The following PLXNA4 variants were observed in gnomAD, a reference collection of about 807,000 sequenced individuals.
The protein encoded by PLXNA4 is plexin-A4.
A neutral mutation model predicts 191.8 loss-of-function variants in PLXNA4; 44 were observed. The observed-to-expected ratio is 0.23, with a 90% CI of 0.18 to 0.29. The LOEUF (loss-of-function observed/expected upper bound fraction) is 0.29. PLXNA4 is among the 10% of genes least tolerant of loss of function. PLXNA4 has a pLI of 1.00. For missense variants in PLXNA4, 1,800 were observed against 2,488.8 expected (o/e 0.72, Z 5.89); for synonymous variants, 1,082 against 1,009.5 (o/e 1.07, Z -1.36).
At chr7:132,388,068 G>A (rs1805234120) in intron 3 of PLXNA4, among the ~76,000 whole-genome samples, 2 of 152,124 alleles carry the variant, frequency 1.3e-5, no homozygotes. Context: ...CATTCAACCT[G>A]CACACAAGTG....
intron 3 of PLXNA4, among the ~76,000 whole-genome samples, chr7:132,391,953 C>T (rs1793507980): frequency 6.6e-6 from 1 of 151,942 alleles, no homozygotes. Flanking sequence ...ATGGTGAAAC[C>T]CCATCTCTAC....
intron 3 of PLXNA4, among the ~76,000 whole-genome samples, chr7:132,428,650 T>G (rs1045427448): frequency 2.0e-5 from 3 of 152,052 alleles, no homozygotes; most frequent in Admixed American, 2.0e-4. Flanking sequence ...TGGCTCCCGG[T>G]GGTCCCCTCT....
chr7:132,475,694 G>A (rs1000472526), intron 3 of PLXNA4, among the ~76,000 whole-genome samples: 3 of 152,088 alleles, frequency 2.0e-5, no homozygotes, highest in Non-Finnish European at 2.9e-5. Context: ...GCTGGCTGCC[G>A]GGAAGCGAGG....
chr7:132,180,465 G>A, intron 19 of PLXNA4, 121 bp downstream of exon 19: 1 of 1,444,332 alleles, frequency 6.9e-7, no homozygotes, highest in Non-Finnish European at 9.3e-7. Context: ...TGGGGTGTGG[G>A]GTAGCTACAG....
In PLXNA4 at chr7:132,126,594, C is replaced by T. The variant is rs1283742831; in HGVS notation, c.*3885G>A. The T allele has an allele frequency of 6.6e-6, 1 of 152,306 alleles. No individual in the cohort carries two copies. The highest frequency in any genetic ancestry group is 6.5e-5 in the Admixed American group (1 of 15,276). The allele number at this position is 152,306 out of a possible 1,614,324, so 9.4% of individuals were successfully genotyped here. On this transcript the variant is annotated 3_prime_UTR_variant, in exon 32 of 32. Transcript: ENST00000321063. ...CTGCTGGTGGGCGCAGGTAGCTGGG[C>T]CTGAGGGGACCAGGTCAGAGACTTT...
rs191018145 is a variant in PLXNA4 at position 132,341,661 on chromosome 7, C to A, written c.1372-43439G>T. ...GAGGTAGCTATTTGGCCCCAGCCCC[C>A]CTAGCCTGCCTGGGCTGGTCCTCAC... On this transcript the variant is annotated intron_variant, in intron 3 of 31. Coordinates refer to ENST00000321063, the MANE Select transcript of PLXNA4 (RefSeq NM_020911.2). 1.4e-3 allele frequency among the ~76,000 whole-genome samples: 219 copies of A among 152,276 alleles called. 2 individuals carry two copies. Among genetic ancestry groups the A allele is most frequent in the African/African-American group, 5.1e-3 (212 of 41,574 alleles).
chr7:132,145,863 A>G (rs2116565083), intron 28 of PLXNA4, among the ~76,000 whole-genome samples: 1 of 146,998 alleles, frequency 6.8e-6, no homozygotes, highest in Non-Finnish European at 1.5e-5. Flanking sequence ...TGAGGCCAGG[A>G]GTTTAAGACC....
At chr7:132,536,921 CTG>C in intron 1 of PLXNA4, among the ~76,000 whole-genome samples, 1 of 152,380 alleles carries the variant, frequency 6.6e-6, no homozygotes, top group Non-Finnish European at 1.5e-5. Flanking sequence ...AGTCCCCACT[CTG>C]TGTCAGCCTC....
intron 1 of PLXNA4, among the ~76,000 whole-genome samples, chr7:132,563,817 TCTCCTC>T (rs1336526975): frequency 3.5e-5 from 1 of 28,432 alleles, no homozygotes; most frequent in Non-Finnish European, 6.8e-5. Context: ...TCCTCCTCCT[TCTCCTC>T]CTCCTTCTCC....
chr7:132,537,392 G>T (rs1799889700), intron 1 of PLXNA4, among the ~76,000 whole-genome samples: 1 of 152,226 alleles, frequency 6.6e-6, no homozygotes, highest in Non-Finnish European at 1.5e-5. Context: ...GATAAGATTT[G>T]GTGGTTCTTT....
chr7:132,310,722 C>A (rs1416344546), intron 3 of PLXNA4, among the ~76,000 whole-genome samples: 11 of 152,186 alleles, frequency 7.2e-5, no homozygotes, highest in Non-Finnish European at 5.9e-5. Context: ...CAGACAAGTG[C>A]GTATTACCTC....
At chr7:132,501,977 G>T (rs1290754248) in intron 2 of PLXNA4, among the ~76,000 whole-genome samples, 5 of 152,218 alleles carry the variant, frequency 3.3e-5, no homozygotes, top group Non-Finnish European at 7.3e-5. Flanking sequence ...GAGGACAAGA[G>T]CTGAGCAGAA....
At chr7:132,588,742 A>G (rs1319512492) in intron 2 of PLXNA4, among the ~76,000 whole-genome samples, 1 of 150,500 alleles carries the variant, frequency 6.6e-6, no homozygotes, top group Non-Finnish European at 1.5e-5. Context: ...AAGAAAAAGA[A>G]AGAAAGAGAG....
rs1428479361 is a variant in PLXNA4, at chr7:132,418,524, C to T, written c.1371+70768G>A. ...TCCTAATGCTCTGTGTGGAGGGATG[C>T]CTATTGTTAATGTCTTTGAGAACAT... is the stretch of plus-strand genomic sequence containing the variant. On this transcript the variant is annotated intron_variant, in intron 3 of 31. Coordinates refer to ENST00000321063, the MANE Select transcript of PLXNA4 (RefSeq NM_020911.2). 5.3e-5 allele frequency among the ~76,000 whole-genome samples: 8 copies of T among 152,186 alleles called. No individual in the cohort carries two copies. In the South Asian group the frequency reaches 1.7e-3, roughly 32 times the overall value.
At chr7:132,365,726 G>A (rs1804152176) in intron 3 of PLXNA4, among the ~76,000 whole-genome samples, 1 of 152,210 alleles carries the variant, frequency 6.6e-6, no homozygotes, top group African/African-American at 2.4e-5. Flanking sequence ...CCTCTGCCAA[G>A]TGCTCTTAGA....
intron 2 of PLXNA4, among the ~76,000 whole-genome samples, chr7:132,583,986 G>A (rs1409277793): frequency 6.6e-6 from 1 of 152,182 alleles, no homozygotes; most frequent in Non-Finnish European, 1.5e-5. Flanking sequence ...GGATGTATTT[G>A]CACTATGGGA....
chr7:132,148,866 G>T (rs2598200), intron 25 of PLXNA4, among the ~76,000 whole-genome samples: 40,123 of 152,130 alleles, frequency 0.26, 12,352 homozygotes, highest in African/African-American at 0.75. Context: ...GACCAAAATG[G>T]GGCTAACATC....
chr7:132,482,978 AC>A (rs1183174716), intron 3 of PLXNA4, among the ~76,000 whole-genome samples: 1 of 152,134 alleles, frequency 6.6e-6, no homozygotes, highest in African/African-American at 2.4e-5. Flanking sequence ...GGGGTGAGCC[AC>A]CGCGCCCGGC....
intron 1 of PLXNA4, among the ~76,000 whole-genome samples, chr7:132,544,539 T>C (rs1426729791): frequency 3.3e-5 from 5 of 151,950 alleles, no homozygotes; most frequent in Non-Finnish European, 7.4e-5. Flanking sequence ...GACTTAAGTG[T>C]GCAGAGGGTG....
Sources: gnomAD v4.1 joint callset for allele counts (sites outside exome capture counted in the v4.1 genomes callset) on GRCh38, gnomAD v4.1.1 for gene constraint, MANE v1.5 for transcripts, NCBI Gene and HGNC (gene_info 2026-07-23, HGNC 2026-07-21) for gene names.